Variants in TRAPPC12 observed in about 807,000 individuals in gnomAD.
The protein encoded by TRAPPC12 is trafficking protein particle complex subunit 12, also known as TPR repeat protein 15.
TRAPPC12 carries 61 observed loss-of-function variants against 69.2 expected under a neutral mutation model. That is an observed-to-expected ratio of 0.88 (90% confidence interval 0.72 to 1.09). The LOEUF is 1.09. TRAPPC12 is among the 50% of genes least tolerant of loss of function. The pLI is 0.00. For synonymous variants in TRAPPC12, 469 were observed against 438.9 expected (o/e 1.07, Z -0.86); for missense variants, 1,101 against 1,016.4 (o/e 1.08, Z -1.13).
chr2:3,393,964 G>A (rs540613812), intron 2 of TRAPPC12, among the ~76,000 whole-genome samples: 4 of 152,312 alleles, frequency 2.6e-5, no homozygotes, highest in African/African-American at 4.8e-5. Flanking sequence ...TGTCAGTTAC[G>A]CTGTAGGTTC....
chr2:3,460,393 A>C (rs1420135659), intron 8 of TRAPPC12, 57 bp downstream of exon 8: 1 of 833,686 alleles, frequency 1.2e-6, no homozygotes, highest in African/African-American at 1.7e-5. Flanking sequence ...GGTCAGTGGG[A>C]GCCGCGAGGG....
At chr2:3,466,493 C>T (rs931547616) in intron 9 of TRAPPC12, 10 of 426,992 alleles carry the variant, frequency 2.3e-5, no homozygotes, top group African/African-American at 2.0e-4. Context: ...TATCCAGCTA[C>T]AGGAGGCCAC....
intron 9 of TRAPPC12, among the ~76,000 whole-genome samples, chr2:3,474,036 T>C (rs1666182845): frequency 6.6e-6 from 1 of 152,134 alleles, no homozygotes. Context: ...GAGAACACTT[T>C]AAAATGGCCA....
intron 5 of TRAPPC12, among the ~76,000 whole-genome samples, chr2:3,433,984 C>T (rs1663611878): frequency 6.6e-6 from 1 of 152,136 alleles, no homozygotes; most frequent in South Asian, 2.1e-4. Flanking sequence ...TGACAACCAC[C>T]CTCAGCATGG....
intron 8 of TRAPPC12, among the ~76,000 whole-genome samples, chr2:3,465,244 CTT>C (rs1292511443): frequency 6.6e-6 from 1 of 152,214 alleles, no homozygotes; most frequent in Non-Finnish European, 1.5e-5. Flanking sequence ...CACATGATAA[CTT>C]TGTCAGGAAA....
chr2:3,388,676 C>T lies in TRAPPC12; in HGVS notation c.1047+6C>T. On this transcript the variant is annotated splice_donor_region_variant and intron_variant, in intron 2 of 11. Transcript: ENST00000324266. ...TCAGGTTCGACAACATCCAGGTGAGCCCGGGTCTCCCACCTCCGCAGCCCG... is the reference window on the plus strand; with the variant it reads ...TCAGGTTCGACAACATCCAGGTGAGTCCGGGTCTCCCACCTCCGCAGCCCG... 1 of 1,532,788 alleles carries T rather than the reference C, an allele frequency of 6.5e-7. No homozygotes were observed. Among genetic ancestry groups the T allele is most frequent in the Non-Finnish European group, 8.8e-7 (1 of 1,135,876 alleles). 94.9% of individuals were successfully genotyped at this position (1,532,788 alleles called of 1,614,324 possible).
At chr2:3,403,761 C>G (rs547956216) in intron 3 of TRAPPC12, among the ~76,000 whole-genome samples, 1 of 152,178 alleles carries the variant, frequency 6.6e-6, no homozygotes, top group African/African-American at 2.4e-5. Flanking sequence ...ATGTAAATCA[C>G]TTACTTGCAA....
In TRAPPC12 at chr2:3,457,675, A is replaced by T; in HGVS notation, c.1585A>T (p.Thr529Ser). Reference sequence around the variant, plus strand: ...AGAAGACGGCGGCATGAGCAGCGTGACTCAGGAGGGCAGACAAGGTGGGTC... The same window carrying T: ...AGAAGACGGCGGCATGAGCAGCGTGTCTCAGGAGGGCAGACAAGGTGGGTC... ...LAEDGGMSSV[T>S]QEGRQASIRL... Residue 529 changes from threonine to serine, a missense_variant, in exon 7 of 12, where the codon ACT becomes TCT. Transcript: ENST00000324266. 2 of 1,611,482 alleles carry T rather than the reference A, an allele frequency of 1.2e-6. No individual in the cohort carries two copies. The highest frequency in any genetic ancestry group is 1.7e-6 in the Non-Finnish European group (2 of 1,179,978).
intron 6 of TRAPPC12, among the ~76,000 whole-genome samples, chr2:3,452,391 C>T (rs1046042570): frequency 6.6e-6 from 1 of 152,186 alleles, no homozygotes; most frequent in Non-Finnish European, 1.5e-5. Flanking sequence ...CCAGGCCACA[C>T]GCAAGGGATG....
chr2:3,474,352 G>T (rs1666198465), intron 9 of TRAPPC12, among the ~76,000 whole-genome samples: 1 of 152,224 alleles, frequency 6.6e-6, no homozygotes, highest in African/African-American at 2.4e-5. Flanking sequence ...TATTCTGGCT[G>T]TGATGGCAGC....
At chr2:3,412,073 G>T (rs959266131) in intron 3 of TRAPPC12, among the ~76,000 whole-genome samples, 4 of 152,092 alleles carry the variant, frequency 2.6e-5, no homozygotes, top group Non-Finnish European at 5.9e-5. Flanking sequence ...GTTTATTCTT[G>T]TACTGTCTTC....
At position 3,388,122 on chromosome 2, in the gene TRAPPC12, G is replaced by A; in HGVS notation, c.499G>A (p.Ala167Thr). ...GGTGTGCACCATCTTCAGCCAGCGCGCGCCCCCAGCCTCCGGGGACGGCTT... is the reference window on the plus strand; with the variant it reads ...GGTGTGCACCATCTTCAGCCAGCGCACGCCCCCAGCCTCCGGGGACGGCTT... ...VPVCTIFSQR[A>T]PPASGDGFEP... Residue 167 changes from alanine (A) to threonine (T), a missense_variant, in exon 2 of 12, where the codon GCG (alanine) becomes ACG (threonine). Transcript: ENST00000324266. 3 of 1,583,400 alleles carry A rather than the reference G, an allele frequency of 1.9e-6. No homozygotes were observed. The highest frequency in any genetic ancestry group is 1.7e-6 in the Non-Finnish European group (2 of 1,168,242).
chr2:3,412,419 G>C (rs1232674677), intron 3 of TRAPPC12, among the ~76,000 whole-genome samples: 1 of 152,098 alleles, frequency 6.6e-6, no homozygotes, highest in Non-Finnish European at 1.5e-5. Context: ...AAAATTAGCC[G>C]GGTGTGGTGG....
In TRAPPC12 at chr2:3,401,793, A is replaced by G; in HGVS notation, c.1064A>G (p.Asp355Gly). The change falls in exon 3 of 12, where the codon GAC becomes GGC. Residue 355 changes from aspartate (D) to glycine (G), a missense_variant. Coordinates refer to ENST00000324266, the MANE Select transcript of TRAPPC12 (RefSeq NM_016030.6). ...FDNIQGDAVKDLMLRFLGEKA... is the reference protein window; with the variant it reads ...FDNIQGDAVKGLMLRFLGEKA... ...TCTTCCCAGGGAGATGCAGTTAAAG[A>G]CTTGATGCTTCGCTTTCTGGGTGAA... 6.3e-7 allele frequency: 1 copy of G among 1,591,370 alleles called. No homozygotes were observed. Among genetic ancestry groups the G allele is most frequent in the Non-Finnish European group, 8.5e-7 (1 of 1,172,046 alleles).
At chr2:3,457,720 G>A (rs1665239684) in intron 7 of TRAPPC12, 27 bp downstream of exon 7, 1 of 1,606,614 alleles carries the variant, frequency 6.2e-7, no homozygotes, top group Non-Finnish European at 8.5e-7. Context: ...TTGCTGACTA[G>A]ATGCTTCTCG....
chr2:3,459,312 G>A (rs1023364518), intron 7 of TRAPPC12, among the ~76,000 whole-genome samples: 2 of 152,262 alleles, frequency 1.3e-5, no homozygotes, highest in African/African-American at 4.8e-5. Flanking sequence ...GGCGCAAGGA[G>A]CGCTGGACAA....
At chr2:3,394,085 C>CT (rs1306862113) in intron 2 of TRAPPC12, among the ~76,000 whole-genome samples, 1 of 152,196 alleles carries the variant, frequency 6.6e-6, no homozygotes, top group Admixed American at 6.5e-5. Flanking sequence ...TGGATTGACT[C>CT]TACCTTCCTC....
chr2:3,380,958 C>T (rs908746919), intron 1 of TRAPPC12, among the ~76,000 whole-genome samples: 3 of 152,190 alleles, frequency 2.0e-5, no homozygotes, highest in Non-Finnish European at 4.4e-5. Flanking sequence ...GTTATTGAGA[C>T]ACTGCCTTCA....
rs540070685 is a variant in TRAPPC12, at chr2:3,414,020, T to C, written c.1165-7861T>C. ...CTCCTGTGCTAGTTCAGGCCTTGTT[T>C]CCTTGTGCCTTGTTCACTAAGCCAG... On this transcript the variant is annotated intron_variant, in intron 3 of 11. Coordinates refer to ENST00000324266, the MANE Select transcript of TRAPPC12 (RefSeq NM_016030.6). The surrounding 1 kb of genome is among the most constrained non-coding windows in gnomAD (Gnocchi z 4.9). Among the ~76,000 whole-genome samples, 1 of 152,092 alleles carries C rather than the reference T, an allele frequency of 6.6e-6. No homozygotes were observed. Among genetic ancestry groups the C allele is most frequent in the Non-Finnish European group, 1.5e-5 (1 of 68,010 alleles).
Sources: gnomAD v4.1 joint callset for allele counts (sites outside exome capture counted in the v4.1 genomes callset) on GRCh38, gnomAD v4.1.1 for gene constraint, Gnocchi (gnomAD v3.1) non-coding constraint, MANE v1.5 for transcripts, NCBI Gene and HGNC (gene_info 2026-07-23, HGNC 2026-07-21) for gene names.